Variants in TMEM71 observed in about 807,000 individuals in gnomAD.
TMEM71 encodes transmembrane protein 71.
Under a neutral mutation model 38.0 loss-of-function variants are expected in TMEM71, and 44 were observed. That is an observed-to-expected ratio of 1.16 (90% CI 0.91 to 1.49). The LOEUF (loss-of-function observed/expected upper bound fraction) is 1.49. Among genes scored for constraint, TMEM71 ranks in the 40% most tolerant of loss-of-function variants. TMEM71 has a pLI of 0.00. For synonymous variants in TMEM71, 133 were observed against 122.5 expected (o/e 1.09, Z -0.56); for missense variants, 367 against 348.6 (o/e 1.05, Z -0.42).
intron 5 of TMEM71, among the ~76,000 whole-genome samples, chr8:132,730,115 T>C (rs1586791394): frequency 6.6e-6 from 1 of 152,132 alleles, no homozygotes; most frequent in African/African-American, 2.4e-5. Flanking sequence ...TGTGCCACCA[T>C]GCCCAGCTAA....
chr8:132,744,209 T>A (rs555278788), intron 5 of TMEM71, among the ~76,000 whole-genome samples: 1 of 152,316 alleles, frequency 6.6e-6, no homozygotes, highest in South Asian at 2.1e-4. Context: ...AAGTGTCCAA[T>A]AAATATCTGT....
intron 5 of TMEM71, among the ~76,000 whole-genome samples, chr8:132,733,657 C>T (rs377609590): frequency 3.3e-5 from 5 of 152,140 alleles, no homozygotes; most frequent in African/African-American, 7.2e-5. Context: ...AAATGAAACA[C>T]GCAGATCATC....
intron 2 of TMEM71, among the ~76,000 whole-genome samples, chr8:132,757,537 TCTAGA>T (rs917887634): frequency 1.1e-4 from 17 of 151,862 alleles, no homozygotes; most frequent in African/African-American, 3.9e-4. Flanking sequence ...CACATAACAC[TCTAGA>T]AGTTCCGGGC....
chr8:132,761,844 G>T (rs1211585158), upstream of TMEM71, among the ~76,000 whole-genome samples: 2 of 152,172 alleles, frequency 1.3e-5, no homozygotes, highest in Non-Finnish European at 2.9e-5. Context: ...AATCAAGAGT[G>T]GTCTCAAAAG....
At chr8:132,758,767 A>G in intron 2 of TMEM71, 73 bp downstream of exon 2, 1 of 1,369,352 alleles carries the variant, frequency 7.3e-7, no homozygotes, top group Non-Finnish European at 1.0e-6. Context: ...CAGCAAAATC[A>G]AAGCAAGGAA....
chr8:132,733,996 A>T (rs1586793721), intron 5 of TMEM71, among the ~76,000 whole-genome samples: 1 of 151,904 alleles, frequency 6.6e-6, no homozygotes, highest in South Asian at 2.1e-4. Context: ...CTGCCAGGGG[A>T]TAGGGGTTTG....
chr8:132,746,378 T>C (rs13271340), intron 5 of TMEM71, among the ~76,000 whole-genome samples: 1 of 21,154 alleles, frequency 4.7e-5, no homozygotes, highest in South Asian at 2.7e-3. Flanking sequence ...TATATATACA[T>C]ATATATATAC....
At chr8:132,711,104 C>G in intron 9 of TMEM71, 122 bp from the exon 10 acceptor site, 1 of 865,150 alleles carries the variant, frequency 1.2e-6, no homozygotes, top group Non-Finnish European at 1.8e-6. Context: ...ATACCCACAA[C>G]GGGCCTGAAT....
rs2131215632 is a variant in TMEM71, at chr8:132,758,852, T to C, written c.28A>G (p.Thr10Ala). Reference sequence around the variant, plus strand: ...CTTCTACATTTACTTGCTACTGGTGTTGACATCAGTTGAGATATTCGGTAC... The same window carrying C: ...CTTCTACATTTACTTGCTACTGGTGCTGACATCAGTTGAGATATTCGGTAC... MYRISQLMS[T>A]PVASSSRLER... Residue 10 changes from threonine (T) to alanine (A), a missense_variant, in exon 2 of 10, where the codon ACA (threonine) becomes GCA (alanine). Transcript: ENST00000677595. The C allele has an allele frequency of 6.2e-7, 1 of 1,613,876 alleles. No homozygotes were observed. The highest frequency in any genetic ancestry group is 8.5e-7 in the Non-Finnish European group (1 of 1,179,782).
chr8:132,717,877 C>T lies in TMEM71; in HGVS notation c.753-3662G>A, dbSNP rs977671310. On this transcript the variant is annotated intron_variant, in intron 7 of 9. Coordinates refer to ENST00000677595, the MANE Select transcript of TMEM71 (RefSeq NM_001382403.1). ...AACTGACGAATGGATAAACAAAATGCAGTATATCTATGCAATGGAATATTA... is the reference window on the plus strand; with the variant it reads ...AACTGACGAATGGATAAACAAAATGTAGTATATCTATGCAATGGAATATTA... Among the ~76,000 whole-genome samples, 7 of 152,224 alleles carry T rather than the reference C, an allele frequency of 4.6e-5. No individual in the cohort carries two copies. In the South Asian group the frequency reaches 1.2e-3, roughly 27 times the overall value.
At chr8:132,713,321 C>T (rs1339355042) in intron 9 of TMEM71, among the ~76,000 whole-genome samples, 2 of 151,980 alleles carry the variant, frequency 1.3e-5, no homozygotes, top group Admixed American at 1.3e-4. Flanking sequence ...TGGCTAGAAT[C>T]CTAACCAAAA....
In TMEM71 at chr8:132,740,848, G is replaced by A. The variant is rs143588858; in HGVS notation, c.487+6094C>T. 1.7e-3 allele frequency among the ~76,000 whole-genome samples: 263 copies of A among 152,242 alleles called. 3 individuals carry two copies. Among genetic ancestry groups the A allele is most frequent in the African/African-American group, 6.0e-3 (251 of 41,534 alleles). ...GATTCTTAAGCATTTTTGAACAGGGGGTCCTGTATTTTATTCTGCACTGAG... is the reference window on the plus strand; with the variant it reads ...GATTCTTAAGCATTTTTGAACAGGGAGTCCTGTATTTTATTCTGCACTGAG... On this transcript the variant is annotated intron_variant, in intron 5 of 9. Coordinates refer to ENST00000677595, the MANE Select transcript of TMEM71 (RefSeq NM_001382403.1).
the TMEM71 span, among the ~76,000 whole-genome samples, chr8:132,770,853 A>G: frequency 6.6e-6 from 1 of 152,228 alleles, no homozygotes; most frequent in Non-Finnish European, 1.5e-5. Flanking sequence ...TAAGATATAA[A>G]TCAGGGCCCA....
the TMEM71 span, among the ~76,000 whole-genome samples, chr8:132,768,396 A>T: frequency 6.6e-6 from 1 of 152,170 alleles, no homozygotes; most frequent in Non-Finnish European, 1.5e-5. Context: ...CTGTAATCCC[A>T]GCACTTTGGG....
At chr8:132,733,965 G>A (rs1222134990) in intron 5 of TMEM71, among the ~76,000 whole-genome samples, 2 of 152,096 alleles carry the variant, frequency 1.3e-5, no homozygotes, top group African/African-American at 2.4e-5. Flanking sequence ...AAACTCATAG[G>A]AGCAGAGAGT....
intron 1 of TMEM71, chr8:132,759,416 G>GT (rs11449266): frequency 0.92 from 140,568 of 152,316 alleles, 65,034 homozygotes; most frequent in East Asian, 1. Context: ...CACAGAGAGT[G>GT]ATTTTAATAG....
Position 132,760,460 on chromosome 8 carries a change from G to A in TMEM71, c.-37+16C>T, listed in dbSNP as rs1231536311. ...ACAGGTGCAGAAGTCTCTTAATAAA[G>A]GGAATCCCACCCTACCTTCTTCTCA... On this transcript the variant is annotated intron_variant, in intron 1 of 9. Coordinates refer to ENST00000677595, the MANE Select transcript of TMEM71 (RefSeq NM_001382403.1). 1 of 152,210 alleles carries A rather than the reference G, an allele frequency of 6.6e-6. No homozygotes were observed. The highest frequency in any genetic ancestry group is 1.5e-5 in the Non-Finnish European group (1 of 68,058). The allele number at this position is 152,210 out of a possible 1,614,324, so 9.4% of individuals were successfully genotyped here. A position where few individuals can be genotyped will look rare whatever the true frequency, so the allele number is the denominator to read the frequency against.
intron 3 of TMEM71, among the ~76,000 whole-genome samples, chr8:132,755,613 G>T (rs2131198465): frequency 6.6e-6 from 1 of 152,296 alleles, no homozygotes; most frequent in Non-Finnish European, 1.5e-5. Flanking sequence ...ATTAAAAAAT[G>T]TTAGATGATT....
At chr8:132,739,006 A>C (rs1349901510) in intron 5 of TMEM71, among the ~76,000 whole-genome samples, 1 of 151,958 alleles carries the variant, frequency 6.6e-6, no homozygotes. Flanking sequence ...GCATACACTG[A>C]CCCTCTCTAT....
Sources: allele counts gnomAD v4.1 joint callset (sites outside exome capture counted in the v4.1 genomes callset), GRCh38; gene constraint gnomAD v4.1.1; transcripts MANE v1.5; gene names NCBI Gene and HGNC (gene_info 2026-07-23, HGNC 2026-07-21).